Variants in HIVEP1 observed in about 807,000 individuals in gnomAD.
HIVEP1 encodes HIVEP zinc finger 1.
A neutral mutation model predicts 180.0 loss-of-function variants in HIVEP1; 36 were observed. That is an observed-to-expected ratio of 0.20 (90% CI 0.15 to 0.26). The LOEUF is 0.26. Ranked by LOEUF, HIVEP1 falls within the 10% of genes least tolerant of loss-of-function variation. The pLI is 1.00. For missense variants in HIVEP1, 3,143 were observed against 3,268.7 expected (o/e 0.96, Z 0.94); for synonymous variants, 1,239 against 1,239.0 (o/e 1.00, Z 0.00).
In HIVEP1 at chr6:12,161,707, G is replaced by A. The variant is rs200699671; in HGVS notation, c.6756G>A (p.Ala2252=). 141 of 1,614,146 alleles carry A rather than the reference G, an allele frequency of 8.7e-5. No individual in the cohort carries two copies. The highest frequency in any genetic ancestry group is 1.6e-4 in the East Asian group (7 of 44,872). ...HTDPMDVLPR[A]LLTRMTVLST... ...ACCCAATGGACGTTCTGCCCAGGGCGCTGCTCACCAGAATGACTGTCCTGA... is the reference window on the plus strand; with the variant it reads ...ACCCAATGGACGTTCTGCCCAGGGCACTGCTCACCAGAATGACTGTCCTGA... The change falls in exon 8 of 9, where the codon GCG becomes GCA. Residue 2252 remains alanine (A), a synonymous_variant. Transcript: ENST00000379388.
chr6:12,203,447 T>C, the HIVEP1 span, among the ~76,000 whole-genome samples: 1 of 152,194 alleles, frequency 6.6e-6, no homozygotes, highest in African/African-American at 2.4e-5. Flanking sequence ...CTATTTTTCT[T>C]TGAAACATTT....
At chr6:12,093,145 T>G (rs922767725) in intron 3 of HIVEP1, among the ~76,000 whole-genome samples, 4 of 152,200 alleles carry the variant, frequency 2.6e-5, no homozygotes, top group African/African-American at 4.8e-5. Flanking sequence ...CTCAGGCAAA[T>G]GGCCTCCTGC....
intron 2 of HIVEP1, among the ~76,000 whole-genome samples, chr6:12,029,422 C>T (rs1229414678): frequency 2.0e-5 from 3 of 152,290 alleles, no homozygotes; most frequent in African/African-American, 4.8e-5. Flanking sequence ...TTTATTCCAT[C>T]ACATTGATGT....
the HIVEP1 span, among the ~76,000 whole-genome samples, chr6:12,206,921 G>A: frequency 6.6e-6 from 1 of 152,234 alleles, no homozygotes; most frequent in East Asian, 1.9e-4. Context: ...GCGAGTAGGA[G>A]TGATCACCTA....
intron 3 of HIVEP1, among the ~76,000 whole-genome samples, chr6:12,107,320 T>C (rs1168759593): frequency 3.3e-5 from 5 of 152,264 alleles, no homozygotes; most frequent in Non-Finnish European, 2.9e-5. Flanking sequence ...TGAGAATACC[T>C]TAATTTAAAA....
downstream of HIVEP1, among the ~76,000 whole-genome samples, chr6:12,167,543 A>C (rs532421855): frequency 2.6e-5 from 1 of 38,732 alleles, no homozygotes; most frequent in African/African-American, 1.2e-4. Context: ...ATTTGTATAT[A>C]TATAATATAT....
the HIVEP1 span, among the ~76,000 whole-genome samples, chr6:12,184,051 AGACAGACAGACT>A: frequency 7.6e-5 from 11 of 144,782 alleles, no homozygotes; most frequent in African/African-American, 2.5e-4. Context: ...ACAGACAGAC[AGACAGACAGACT>A]GATTTGGGGG....
At chr6:12,141,127 G>A (rs1339509238) in intron 7 of HIVEP1, among the ~76,000 whole-genome samples, 2 of 152,108 alleles carry the variant, frequency 1.3e-5, no homozygotes, top group Admixed American at 6.5e-5. Context: ...GAGAAAGGTC[G>A]GGTCACCCAC....
rs144742023 is a variant in HIVEP1, at chr6:12,075,974, C to T, written c.41-13210C>T. On this transcript the variant is annotated intron_variant, in intron 2 of 8. Coordinates refer to ENST00000379388, the MANE Select transcript of HIVEP1 (RefSeq NM_002114.4). ...TTTAAACATTTCGTTAGAATGAGGGCAAATAAGCTCCACCTGTTTTATAAG... is the reference window on the plus strand; with the variant it reads ...TTTAAACATTTCGTTAGAATGAGGGTAAATAAGCTCCACCTGTTTTATAAG... 2.0e-3 allele frequency among the ~76,000 whole-genome samples: 308 copies of T among 152,278 alleles called. 3 individuals are homozygous for T. Among genetic ancestry groups the T allele is most frequent in the African/African-American group, 7.1e-3 (295 of 41,566 alleles).
At chr6:12,113,788 G>C (rs1369932598) in intron 3 of HIVEP1, among the ~76,000 whole-genome samples, 1 of 152,136 alleles carries the variant, frequency 6.6e-6, no homozygotes, top group Non-Finnish European at 1.5e-5. Context: ...GAAAGGACTT[G>C]TCCCTCTCTG....
At chr6:12,199,224 G>A in the HIVEP1 span, among the ~76,000 whole-genome samples, 1 of 152,168 alleles carries the variant, frequency 6.6e-6, no homozygotes, top group Admixed American at 6.5e-5. Context: ...CCAACAGAAT[G>A]GCATTGGAAC....
intron 2 of HIVEP1, among the ~76,000 whole-genome samples, chr6:12,033,904 A>G (rs1199958068): frequency 6.6e-6 from 1 of 152,226 alleles, no homozygotes; most frequent in Non-Finnish European, 1.5e-5. Flanking sequence ...CAACATAGGC[A>G]TTGCAGAATT....
At chr6:12,211,272 T>C in the HIVEP1 span, among the ~76,000 whole-genome samples, 71,325 of 85,106 alleles carry the variant, frequency 0.84, 32,758 homozygotes, top group East Asian at 0.99. Flanking sequence ...TGGTGGCAGG[T>C]GCCTGTAGTC....
At chr6:12,050,286 TA>T (rs1028152910) in intron 2 of HIVEP1, among the ~76,000 whole-genome samples, 18 of 152,122 alleles carry the variant, frequency 1.2e-4, no homozygotes, top group Non-Finnish European at 2.4e-4. Context: ...ATGGGCACTG[TA>T]AAAATTAAAC....
the HIVEP1 span, among the ~76,000 whole-genome samples, chr6:12,203,880 C>T: frequency 3.3e-5 from 5 of 152,034 alleles, no homozygotes; most frequent in Non-Finnish European, 7.4e-5. Context: ...AGTTGGAGAC[C>T]AGCCTGACCA....
chr6:12,075,014 A>G (rs77424129), intron 2 of HIVEP1, among the ~76,000 whole-genome samples: 33 of 152,332 alleles, frequency 2.2e-4, no homozygotes, highest in Non-Finnish European at 4.0e-4. Flanking sequence ...AAATCTCACA[A>G]GTTAATTAGT....
At chr6:12,206,858 G>A in the HIVEP1 span, among the ~76,000 whole-genome samples, 1 of 151,472 alleles carries the variant, frequency 6.6e-6, no homozygotes, top group East Asian at 1.9e-4. Context: ...CAAACCCTTT[G>A]CCCCAGGAGT....
At chr6:12,011,508 C>T (rs987285232), upstream of HIVEP1, among the ~76,000 whole-genome samples, 1 of 151,140 alleles carries the variant, frequency 6.6e-6, no homozygotes, top group African/African-American at 2.4e-5. Context: ...CCGCCCCCGC[C>T]GTGTGCTGGT....
downstream of HIVEP1, chr6:12,165,143 T>G: frequency 1.9e-6 from 1 of 514,898 alleles, no homozygotes; most frequent in Non-Finnish European, 3.9e-6. Flanking sequence ...CTTTCTACCA[T>G]GTGAAACTGT....
Sources: gnomAD v4.1 joint callset for allele counts (sites outside exome capture counted in the v4.1 genomes callset) on GRCh38, gnomAD v4.1.1 for gene constraint, MANE v1.5 for transcripts, NCBI Gene and HGNC (gene_info 2026-07-23, HGNC 2026-07-21) for gene names.